HECA: variants seen among roughly 807,000 people sequenced by gnomAD.
HECA encodes the protein headcase protein homolog.
Under a neutral mutation model 37.6 loss-of-function variants are expected in HECA, and 13 were observed. That is an observed-to-expected ratio of 0.35 (90% CI 0.23 to 0.55). HECA has a LOEUF of 0.55. Among genes scored for constraint, HECA ranks in the 20% least tolerant of loss-of-function variants. HECA has a pLI of 0.90. For synonymous variants in HECA, 307 were observed against 291.5 expected, an observed-to-expected ratio of 1.05 and a Z score of -0.54; for missense variants, 527 against 701.9, an observed-to-expected ratio of 0.75 and a Z score of 2.82.
At chr6:139,147,575 C>T (rs1482936709) in intron 1 of HECA, among the ~76,000 whole-genome samples, 2 of 152,242 alleles carry the variant, frequency 1.3e-5, no homozygotes, top group South Asian at 4.1e-4. Context: ...CAGTGAGCTG[C>T]ATCTAGCCTG....
At chr6:139,171,382 TGCGC>T (rs1774970736) in intron 2 of HECA, among the ~76,000 whole-genome samples, 1 of 152,148 alleles carries the variant, frequency 6.6e-6, no homozygotes, top group Non-Finnish European at 1.5e-5. Flanking sequence ...AAATAGATAA[TGCGC>T]ACATTAGATG....
rs1332889311 is a variant in HECA at position 139,179,064 on chromosome 6, A to G, written c.*1959A>G. 1 of 152,182 alleles carries G rather than the reference A, an allele frequency of 6.6e-6. No homozygotes were observed. The highest frequency in any genetic ancestry group is 1.5e-5 in the Non-Finnish European group (1 of 68,030). 9.4% of individuals were successfully genotyped at this position (152,182 alleles called of 1,614,324 possible). A position where few individuals can be genotyped will look rare whatever the true frequency, so the allele number is the denominator to read the frequency against. On this transcript the variant is annotated 3_prime_UTR_variant, in exon 4 of 4. Transcript: ENST00000367658. ...TGCATAAAATGCCTATAAGAAGTAG[A>G]AAGTCATTGAACTGACAGTGTTTGA...
At chr6:139,167,391 T>A in intron 2 of HECA, 67 bp downstream of exon 2, 1 of 1,288,472 alleles carries the variant, frequency 7.8e-7, no homozygotes, top group Non-Finnish European at 1.1e-6. Context: ...CAAGACAGAT[T>A]GCTCTATTTT....
chr6:139,169,059 C>T (rs1397345585), intron 2 of HECA, among the ~76,000 whole-genome samples: 12 of 152,166 alleles, frequency 7.9e-5, no homozygotes, highest in Admixed American at 7.9e-4. Flanking sequence ...ACAGTTTCCT[C>T]TATTTGTCGT....
intron 1 of HECA, among the ~76,000 whole-genome samples, chr6:139,158,903 A>C (rs941355718): frequency 4.0e-5 from 6 of 151,504 alleles, no homozygotes; most frequent in African/African-American, 1.5e-4. Context: ...GAGAAACCCT[A>C]TCTCTACTAA....
chr6:139,153,548 G>A (rs995903849), intron 1 of HECA, among the ~76,000 whole-genome samples: 2 of 151,566 alleles, frequency 1.3e-5, no homozygotes, highest in African/African-American at 2.4e-5. Context: ...TCAGCCTCAC[G>A]AGTAGCTGGG....
intron 1 of HECA, among the ~76,000 whole-genome samples, chr6:139,138,618 CATAA>C (rs1246073747): frequency 6.6e-6 from 1 of 152,090 alleles, no homozygotes; most frequent in Non-Finnish European, 1.5e-5. Context: ...GTCAAGTGGG[CATAA>C]ATAAATACTT....
At chr6:139,150,884 T>G (rs1311665865) in intron 1 of HECA, among the ~76,000 whole-genome samples, 3 of 152,154 alleles carry the variant, frequency 2.0e-5, no homozygotes, top group Non-Finnish European at 1.5e-5. Context: ...CCTTAGAAAA[T>G]TTTATGAAAT....
At chr6:139,141,972 G>C (rs1228591067) in intron 1 of HECA, among the ~76,000 whole-genome samples, 12 of 135,272 alleles carry the variant, frequency 8.9e-5, no homozygotes, top group Admixed American at 7.7e-4. Flanking sequence ...TGTCGCCCAG[G>C]CTGGAGTGCA....
Position 139,166,691 on chromosome 6 carries a change from C to G in HECA, c.679C>G (p.Pro227Ala). ...GGCGGAGGAGGCAAAAAAGTGCAGGCCCCCAAATAAGCCCCAGAAAGGCCC... is the reference window on the plus strand; with the variant it reads ...GGCGGAGGAGGCAAAAAAGTGCAGGGCCCCAAATAAGCCCCAGAAAGGCCC... ...EAAEEAKKCRPPNKPQKGPSH... is the reference protein window; with the variant it reads ...EAAEEAKKCRAPNKPQKGPSH... Residue 227 changes from proline to alanine, a missense_variant, in exon 2 of 4, where the codon CCC becomes GCC. By Grantham distance (27) the Pro-to-Ala change is conservative. Coordinates refer to ENST00000367658, the MANE Select transcript of HECA (RefSeq NM_016217.3). The G allele has an allele frequency of 6.2e-7, 1 of 1,613,158 alleles. No homozygotes were observed. Among genetic ancestry groups the G allele is most frequent in the Non-Finnish European group, 8.5e-7 (1 of 1,179,548 alleles).
rs375872885 is a variant in HECA, at chr6:139,149,148, T to C, written c.271+13481T>C. Among the ~76,000 whole-genome samples the C allele has an allele frequency of 2.6e-4, 40 of 152,310 alleles. 1 individual carries two copies. The highest frequency in any genetic ancestry group is 9.6e-4 in the African/African-American group (40 of 41,566). ...AATAAAATGAGAACATAGCACTCGATTGAACCAAGAGTTTATTCACACACC... is the reference window on the plus strand; with the variant it reads ...AATAAAATGAGAACATAGCACTCGACTGAACCAAGAGTTTATTCACACACC... On this transcript the variant is annotated intron_variant, in intron 1 of 3. Transcript: ENST00000367658.
Position 139,176,716 on chromosome 6 carries a change from G to A in HECA, c.1468-225G>A, listed in dbSNP as rs551837047. ...TTCAGTGGAGAGCATTTAGGCAGTAGTAGTTTAGAATTTTCTTCTCATAAG... is the reference window on the plus strand; with the variant it reads ...TTCAGTGGAGAGCATTTAGGCAGTAATAGTTTAGAATTTTCTTCTCATAAG... On this transcript the variant is annotated intron_variant, in intron 3 of 3. Transcript: ENST00000367658. This position sits in a 1 kb window ranked among gnomAD's most constrained non-coding sequence, Gnocchi z 4.5. 3.7e-4 allele frequency among the ~76,000 whole-genome samples: 57 copies of A among 152,284 alleles called. No homozygotes were observed. Among genetic ancestry groups the A allele is most frequent in the African/African-American group, 1.3e-3 (55 of 41,558 alleles).
intron 1 of HECA, among the ~76,000 whole-genome samples, chr6:139,139,808 G>A (rs1774492905): frequency 6.6e-6 from 1 of 152,230 alleles, no homozygotes; most frequent in African/African-American, 2.4e-5. Flanking sequence ...TTTATGGAGA[G>A]GGACTCTGCT....
intron 1 of HECA, among the ~76,000 whole-genome samples, chr6:139,136,728 G>A (rs1020390712): frequency 6.6e-6 from 1 of 151,386 alleles, no homozygotes; most frequent in Admixed American, 6.6e-5. Flanking sequence ...ACCGTCTTCC[G>A]GTCTGAAGCG....
rs1253359942 is a variant in HECA at position 139,179,146 on chromosome 6, A to G, written c.*2041A>G. 6.6e-6 allele frequency: 1 copy of G among 152,174 alleles called. No homozygotes were observed. Among genetic ancestry groups the G allele is most frequent in the Non-Finnish European group, 1.5e-5 (1 of 68,028 alleles). The allele number at this position is 152,174 out of a possible 1,614,324, so 9.4% of individuals were successfully genotyped here. ...TTCTGCAAACTTGTCTTTAATGCAC[A>G]AAGCTGTAGTGGTGAATTAACTATC... On this transcript the variant is annotated 3_prime_UTR_variant, in exon 4 of 4. Transcript: ENST00000367658.
intron 2 of HECA, among the ~76,000 whole-genome samples, chr6:139,172,627 C>T (rs1177262469): frequency 6.6e-6 from 1 of 152,184 alleles, no homozygotes; most frequent in East Asian, 1.9e-4. Context: ...TCAAAATTCT[C>T]TGTGGTCAGG....
chr6:139,158,461 C>T (rs1395097412), intron 1 of HECA, among the ~76,000 whole-genome samples: 17 of 150,448 alleles, frequency 1.1e-4, no homozygotes, highest in Non-Finnish European at 2.4e-4. Context: ...AGAGATCGTG[C>T]CACTGCACTC....
intron 1 of HECA, among the ~76,000 whole-genome samples, chr6:139,136,308 C>T (rs1293404363): frequency 6.7e-6 from 1 of 149,330 alleles, no homozygotes; most frequent in East Asian, 2.0e-4. Context: ...AAAGAAAAAT[C>T]ATTCTCTATG....
In HECA at chr6:139,166,278, C is replaced by T; in HGVS notation, c.272-6C>T. The T allele has an allele frequency of 1.9e-6, 3 of 1,581,682 alleles. No individual in the cohort carries two copies. The highest frequency in any genetic ancestry group is 3.5e-4 in the Middle Eastern group (2 of 5,726). The stretch of plus-strand genomic sequence containing the variant: ...GAAATCTGTTCTCTCTTTATTCCTC[C>T]CCCAGAAGCCCCATGTGCCACTCCC... On this transcript the variant is annotated splice_polypyrimidine_tract_variant and splice_region_variant and intron_variant, in intron 1 of 3. Transcript: ENST00000367658.
Sources: allele counts gnomAD v4.1 joint callset (sites outside exome capture counted in the v4.1 genomes callset), GRCh38; gene constraint gnomAD v4.1.1; non-coding constraint Gnocchi (gnomAD v3.1); transcripts MANE v1.5; gene names NCBI Gene and HGNC (gene_info 2026-07-23, HGNC 2026-07-21).